The following PZP variants were observed in gnomAD, a reference collection of about 807,000 sequenced individuals.
PZP encodes the protein PZP alpha-2-macroglobulin like, also known as pregnancy zone protein.
In PZP, 150 loss-of-function variants were observed where a neutral mutation model predicts 179.8. The observed-to-expected ratio is 0.83, with a 90% confidence interval of 0.73 to 0.96. PZP has a LOEUF of 0.96. Ranked by LOEUF, PZP falls within the 40% of genes least tolerant of loss-of-function variation. PZP has a pLI of 0.00. For synonymous variants in PZP, 624 were observed against 652.3 expected (o/e 0.96, Z 0.66); for missense variants, 1,689 against 1,764.0 (o/e 0.96, Z 0.76).
chr12:9,142,667 A>G, the PZP span, among the ~76,000 whole-genome samples: 1 of 152,188 alleles, frequency 6.6e-6, no homozygotes, highest in Non-Finnish European at 1.5e-5. Flanking sequence ...AAGAAAATCC[A>G]GTAGTTATAA....
At chr12:9,146,880 A>G (rs994003088), downstream of PZP, among the ~76,000 whole-genome samples, 1 of 151,192 alleles carries the variant, frequency 6.6e-6, no homozygotes, top group Non-Finnish European at 1.5e-5. Flanking sequence ...TTCTTTGGTC[A>G]GCCACAGAGA....
chr12:9,197,504 T>G lies in PZP; in HGVS notation c.756-381A>C, dbSNP rs1264652065. ...ATATAATATATTATATATAAATATA[T>G]TATGTATAATGTTGAAAATAATTAT... On this transcript the variant is annotated intron_variant, in intron 7 of 35. Transcript: ENST00000261336. 4.7e-5 allele frequency among the ~76,000 whole-genome samples: 6 copies of G among 127,818 alleles called. No individual in the cohort carries two copies. The East Asian group carries it at 1.3e-3, about 27-fold the overall frequency. 83.9% of individuals were successfully genotyped at this position (127,818 alleles called of 152,430 possible).
At chr12:9,163,975 G>A (rs939252825) in intron 20 of PZP, among the ~76,000 whole-genome samples, 158 bp downstream of exon 20, 2 of 152,062 alleles carry the variant, frequency 1.3e-5, no homozygotes, top group Non-Finnish European at 2.9e-5. Flanking sequence ...GCTTGGGTGA[G>A]AACAGTGGGA....
chr12:9,162,261 T>C (rs7311982), intron 22 of PZP: 134,132 of 202,798 alleles, frequency 0.66, 44,897 homozygotes, highest in Admixed American at 0.73. Context: ...CACACCCGGC[T>C]AACCCTGCTC....
At position 9,157,175 on chromosome 12, in the gene PZP, C is replaced by T. The variant is rs915207257; in HGVS notation, c.3550G>A (p.Asp1184Asn). 6.2e-7 allele frequency: 1 copy of T among 1,612,150 alleles called. No homozygotes were observed. The highest frequency in any genetic ancestry group is 1.3e-5 in the African/African-American group (1 of 74,858). ...AGCTCCCACTTATAAGTGCTCTCAC[C>T]TTCTTTCACAGCTTCCTTATCAAGT... is the stretch of plus-strand genomic sequence containing the variant. Reference protein sequence around the residue: ...NSLDKEAVKEDNLVHWERPQR... With the variant: ...NSLDKEAVKENNLVHWERPQR... Residue 1184 changes from aspartate (D) to asparagine (N), a missense_variant and splice_region_variant, in exon 28 of 36, where the codon GAC becomes AAC. Asp to Asn is a conservative substitution (Grantham distance 23, BLOSUM62 1). This residue lies in a region of PZP where 746 missense variants were observed against 749.2 expected (regional missense o/e 1.00). Transcript: ENST00000261336.
chr12:9,163,623 G>A (rs1027147009), intron 21 of PZP, 45 bp downstream of exon 21: 3 of 1,602,640 alleles, frequency 1.9e-6, no homozygotes, highest in African/African-American at 2.7e-5. Flanking sequence ...TGACCGCCCG[G>A]TGTTGCATTC....
intron 1 of PZP, among the ~76,000 whole-genome samples, chr12:9,207,201 G>A (rs767978269): frequency 9.9e-5 from 15 of 152,278 alleles, no homozygotes; most frequent in African/African-American, 3.1e-4. Flanking sequence ...TCCCTTTCCC[G>A]ATTTGGGACT....
chr12:9,143,879 C>G (rs1939867157), downstream of PZP, among the ~76,000 whole-genome samples: 1 of 152,098 alleles, frequency 6.6e-6, no homozygotes, highest in Admixed American at 6.6e-5. Context: ...TAAGAAGAAG[C>G]CTAGGGTGTC....
intron 13 of PZP, among the ~76,000 whole-genome samples, chr12:9,185,482 A>G (rs1418944820): frequency 6.6e-6 from 1 of 152,230 alleles, no homozygotes; most frequent in Non-Finnish European, 1.5e-5. Flanking sequence ...GAAAGAGATG[A>G]GCATAATGAA....
intron 32 of PZP, 104 bp from the exon 33 acceptor site, chr12:9,151,776 GAGA>G: frequency 1.1e-6 from 1 of 871,686 alleles, no homozygotes; most frequent in East Asian, 2.6e-5. Context: ...ATTCTCTGAA[GAGA>G]AGAAAGCTAA....
At chr12:9,169,405 T>C (rs1445175012) in intron 16 of PZP, 25 bp downstream of exon 16, 5 of 1,544,036 alleles carry the variant, frequency 3.2e-6, no homozygotes, top group Non-Finnish European at 4.4e-6. Context: ...CAAGCCAGCA[T>C]GTTAATAAGT....
In PZP at chr12:9,149,524, TGC is replaced by T. The variant is rs984801478; in HGVS notation, c.4426+35_4426+36del. The T allele has an allele frequency of 7.6e-6, 12 of 1,580,852 alleles. No homozygotes were observed. The African/African-American group carries it at 1.5e-4, about 20-fold the overall frequency. On this transcript the variant is annotated intron_variant, in intron 35 of 35. Coordinates refer to ENST00000261336, the MANE Select transcript of PZP (RefSeq NM_002864.3). ...CAGGGGCCCTTGGAGAGTGGGTTAATGCCATCTAGTACTGGTCATAAGTGGTG... is the reference window on the plus strand; with the variant it reads ...CAGGGGCCCTTGGAGAGTGGGTTAATCATCTAGTACTGGTCATAAGTGGTG...
intron 1 of PZP, among the ~76,000 whole-genome samples, chr12:9,204,552 C>T (rs758756964): frequency 2.6e-5 from 4 of 152,258 alleles, no homozygotes; most frequent in Non-Finnish European, 5.9e-5. Flanking sequence ...CTCTTAGGCT[C>T]CTCAGATACA....
At chr12:9,160,255 G>T in intron 24 of PZP, 59 bp downstream of exon 24, 6 of 1,458,292 alleles carry the variant, frequency 4.1e-6, no homozygotes, top group Non-Finnish European at 3.7e-6. Context: ...TATAACTGAA[G>T]CTTAATTGGG....
downstream of PZP, among the ~76,000 whole-genome samples, chr12:9,146,910 A>G (rs1940037778): frequency 4.1e-4 from 8 of 19,750 alleles, no homozygotes; most frequent in Admixed American, 6.2e-3. Context: ...ATTGGATGCA[A>G]AGATCAACTC....
chr12:9,186,264 G>A (rs914016490), intron 13 of PZP, among the ~76,000 whole-genome samples: 2 of 152,220 alleles, frequency 1.3e-5, no homozygotes, highest in Admixed American at 6.5e-5. Flanking sequence ...AAGAAGCACT[G>A]AATATAAAAA....
rs181087586 is a variant in PZP at position 9,160,178 on chromosome 12, A to G, written c.3049+136T>C. 26 of 1,092,366 alleles carry G rather than the reference A, an allele frequency of 2.4e-5. No individual in the cohort carries two copies. In the Admixed American group the frequency reaches 3.4e-4, roughly 14 times the overall value. 67.7% of individuals were successfully genotyped at this position (1,092,366 alleles called of 1,614,324 possible). A position where few individuals can be genotyped will look rare whatever the true frequency, so the allele number is the denominator to read the frequency against. On this transcript the variant is annotated intron_variant, in intron 24 of 35. Transcript: ENST00000261336. Reference sequence around the variant, plus strand: ...ATGTTATGGATAGATCAAACACAACATCCTATTAGAGTGTGGGAAGATTGT... The same window carrying G: ...ATGTTATGGATAGATCAAACACAACGTCCTATTAGAGTGTGGGAAGATTGT...
chr12:9,200,123 T>G (rs1944067388), intron 7 of PZP, among the ~76,000 whole-genome samples: 1 of 152,216 alleles, frequency 6.6e-6, no homozygotes, highest in Non-Finnish European at 1.5e-5. Flanking sequence ...TATCCTAAGA[T>G]GTTAAAGCAA....
At chr12:9,171,591 T>G (rs1045358302) in intron 15 of PZP, among the ~76,000 whole-genome samples, 5 of 152,112 alleles carry the variant, frequency 3.3e-5, no homozygotes, top group Non-Finnish European at 5.9e-5. Flanking sequence ...CTGAGAATCA[T>G]GATAAAACAA....
Sources: allele counts gnomAD v4.1 joint callset (sites outside exome capture counted in the v4.1 genomes callset), GRCh38; gene constraint gnomAD v4.1.1; regional missense constraint gnomAD v4.1.1; transcripts MANE v1.5; gene names NCBI Gene and HGNC (gene_info 2026-07-23, HGNC 2026-07-21).